Variants in GNB5 observed in about 807,000 individuals in gnomAD.
GNB5 encodes the protein G protein subunit beta 5.
GNB5 carries 37 observed loss-of-function variants against 55.3 expected under a neutral mutation model. The observed-to-expected ratio is 0.67, with a 90% CI of 0.51 to 0.88. The LOEUF (loss-of-function observed/expected upper bound fraction) is 0.88. Among genes scored for constraint, GNB5 ranks in the 40% least tolerant of loss-of-function variants. The pLI, the probability that GNB5 is intolerant of heterozygous loss-of-function variation, is 0.00. For synonymous variants in GNB5, 219 were observed against 198.5 expected (o/e 1.10, Z -0.87); for missense variants, 476 against 515.3 (o/e 0.92, Z 0.74).
At chr15:52,160,520 G>A (rs562956901) in intron 3 of GNB5, among the ~76,000 whole-genome samples, 1 of 152,294 alleles carries the variant, frequency 6.6e-6, no homozygotes, top group Admixed American at 6.5e-5. Flanking sequence ...AGCAGAGAAG[G>A]GGTGAATGAA....
intron 7 of GNB5, chr15:52,137,817 C>T: frequency 7.8e-7 from 1 of 1,276,402 alleles, no homozygotes; most frequent in South Asian, 1.3e-5. Context: ...AGGGGACCTG[C>T]AAGGGAGAAG....
chr15:52,186,916 G>A (rs1192063893), intron 1 of GNB5, among the ~76,000 whole-genome samples: 1 of 152,120 alleles, frequency 6.6e-6, no homozygotes, highest in Non-Finnish European at 1.5e-5. Context: ...CATCCCTTAG[G>A]GACAACAGCT....
In GNB5 at chr15:52,116,641, T is replaced by C. The variant is rs762271319; in HGVS notation, c.*6116A>G. ...ACTAGTGTTTTAAAAAAACAAACCATGACAAATAGAGCTGGGGAGGCCATG... is the reference window on the plus strand; with the variant it reads ...ACTAGTGTTTTAAAAAAACAAACCACGACAAATAGAGCTGGGGAGGCCATG... On this transcript the variant is annotated 3_prime_UTR_variant, in exon 13 of 13. Coordinates refer to ENST00000261837, the MANE Select transcript of GNB5 (RefSeq NM_016194.4). The C allele has an allele frequency of 6.6e-6, 1 of 152,088 alleles. No individual in the cohort carries two copies. The highest frequency in any genetic ancestry group is 1.5e-5 in the Non-Finnish European group (1 of 67,998). The allele number at this position is 152,088 out of a possible 1,614,324, so 9.4% of individuals were successfully genotyped here.
chr15:52,134,769 G>A (rs546113763), intron 8 of GNB5, among the ~76,000 whole-genome samples: 76 of 152,220 alleles, frequency 5.0e-4, no homozygotes, highest in African/African-American at 1.7e-3. Flanking sequence ...GTGCGTCACT[G>A]TCCTGTCTCA....
At chr15:52,182,551 TGTATTTTG>T (rs2034787244) in intron 2 of GNB5, among the ~76,000 whole-genome samples, 1 of 152,180 alleles carries the variant, frequency 6.6e-6, no homozygotes, top group Admixed American at 6.5e-5. Flanking sequence ...AGTACTTTCT[TGTATTTTG>T]GTGTTAACTC....
intron 3 of GNB5, among the ~76,000 whole-genome samples, chr15:52,157,461 G>A (rs1313618103): frequency 6.6e-6 from 1 of 151,808 alleles, no homozygotes; most frequent in Admixed American, 6.6e-5. Flanking sequence ...GGCCAGGATG[G>A]TCTCGATCAT....
chr15:52,135,832 C>T (rs1391411873), intron 7 of GNB5, 76 bp from the exon 8 acceptor site: 63 of 1,319,012 alleles, frequency 4.8e-5, no homozygotes, highest in East Asian at 4.5e-4. Flanking sequence ...AGAGGCTTAA[C>T]GTTCCGCAGG....
In GNB5 at chr15:52,123,335, T is replaced by C. The variant is rs189498912; in HGVS notation, c.1177-567A>G. Reference sequence around the variant, plus strand: ...TTTGTTCGAAACCCTCCCCCACCCCTGCATCCAGCAATCCTAAAACTATTA... The same window carrying C: ...TTTGTTCGAAACCCTCCCCCACCCCCGCATCCAGCAATCCTAAAACTATTA... On this transcript the variant is annotated intron_variant, in intron 12 of 12. Coordinates refer to ENST00000261837, the MANE Select transcript of GNB5 (RefSeq NM_016194.4). Among the ~76,000 whole-genome samples the C allele has an allele frequency of 1.9e-4, 27 of 141,838 alleles. 1 individual carries two copies. In the East Asian group the frequency reaches 6.5e-3, roughly 34 times the overall value. The allele number at this position is 141,838 out of a possible 152,430, so 93.1% of individuals were successfully genotyped here. A position where few individuals can be genotyped will look rare whatever the true frequency, so the allele number is the denominator to read the frequency against.
intron 3 of GNB5, among the ~76,000 whole-genome samples, chr15:52,156,840 T>A (rs1469018533): frequency 6.6e-6 from 1 of 152,230 alleles, no homozygotes; most frequent in East Asian, 1.9e-4. Context: ...AAACATTGCA[T>A]TATTTACTGC....
At chr15:52,159,052 C>G (rs774839987) in intron 3 of GNB5, among the ~76,000 whole-genome samples, 3 of 152,012 alleles carry the variant, frequency 2.0e-5, no homozygotes, top group South Asian at 2.1e-4. Context: ...TAGGTGGGTA[C>G]GCTAAGCTGA....
chr15:52,148,061 A>G (rs2034014681), intron 5 of GNB5, among the ~76,000 whole-genome samples: 2 of 100,764 alleles, frequency 2.0e-5, no homozygotes, highest in Non-Finnish European at 4.4e-5. Flanking sequence ...TAGCAAAAGC[A>G]AAAAAAAAAA....
At chr15:52,123,619 T>A (rs1043900177) in intron 12 of GNB5, 2 of 151,880 alleles carry the variant, frequency 1.3e-5, no homozygotes, top group Non-Finnish European at 2.9e-5. Flanking sequence ...CTTGGCTCAC[T>A]GCAACCTCTG....
intron 3 of GNB5, among the ~76,000 whole-genome samples, chr15:52,155,461 A>G (rs1203300145): frequency 6.6e-6 from 1 of 152,200 alleles, no homozygotes; most frequent in Non-Finnish European, 1.5e-5. Flanking sequence ...TGTCCTAAAA[A>G]CAATGAACTC....
intron 3 of GNB5, among the ~76,000 whole-genome samples, chr15:52,155,817 C>G (rs774021312): frequency 6.6e-6 from 1 of 152,168 alleles, no homozygotes; most frequent in African/African-American, 2.4e-5. Flanking sequence ...GTGGGGTCAC[C>G]GGGGATCATC....
At chr15:52,151,371 G>A (rs1408754681) in intron 4 of GNB5, among the ~76,000 whole-genome samples, 1 of 152,194 alleles carries the variant, frequency 6.6e-6, no homozygotes, top group Non-Finnish European at 1.5e-5. Context: ...GCCACCCACT[G>A]TGTGCTCTGG....
At chr15:52,146,800 C>T (rs1056440122) in intron 6 of GNB5, among the ~76,000 whole-genome samples, 24 of 141,870 alleles carry the variant, frequency 1.7e-4, no homozygotes, top group Non-Finnish European at 3.2e-4. Flanking sequence ...CCAAGCTGGT[C>T]TCGAACTCCT....
At chr15:52,124,450 A>T (rs1361324157) in intron 12 of GNB5, 23 bp downstream of exon 12, 1 of 1,596,008 alleles carries the variant, frequency 6.3e-7, no homozygotes, top group Non-Finnish European at 8.6e-7. Flanking sequence ...ACACACAGGA[A>T]AACAGAAAAC....
intron 1 of GNB5, among the ~76,000 whole-genome samples, chr15:52,186,266 T>G (rs2034845137): frequency 6.6e-6 from 1 of 152,244 alleles, no homozygotes; most frequent in South Asian, 2.1e-4. Context: ...CCCTCTTTTT[T>G]GCCTTTTTAA....
At chr15:52,179,072 G>A (rs2034707763) in intron 3 of GNB5, among the ~76,000 whole-genome samples, 2 of 152,218 alleles carry the variant, frequency 1.3e-5, no homozygotes, top group South Asian at 2.1e-4. Context: ...AAATCACAGA[G>A]CCAGTTCTGA....
Sources: gnomAD v4.1 joint callset for allele counts (sites outside exome capture counted in the v4.1 genomes callset) on GRCh38, gnomAD v4.1.1 for gene constraint, MANE v1.5 for transcripts, NCBI Gene and HGNC (gene_info 2026-07-23, HGNC 2026-07-21) for gene names.